Variants in ELAPOR1 observed in about 807,000 individuals in gnomAD.
ELAPOR1 encodes endosome-lysosome associated apoptosis and autophagy regulator 1.
ELAPOR1 carries 77 observed loss-of-function variants against 119.7 expected under a neutral mutation model. The observed-to-expected ratio is 0.64, with a 90% CI of 0.54 to 0.78. The LOEUF (loss-of-function observed/expected upper bound fraction) is 0.78, where lower values mean the gene tolerates loss of function less well. Among genes scored for constraint, ELAPOR1 ranks in the 30% least tolerant of loss-of-function variants. The pLI is 0.00. For missense variants in ELAPOR1, 1,115 were observed against 1,270.4 expected (o/e 0.88, Z 1.86); for synonymous variants, 481 against 487.2 (o/e 0.99, Z 0.17).
At chr1:109,174,040 T>C (rs1443776064) in intron 7 of ELAPOR1, among the ~76,000 whole-genome samples, 1 of 144,232 alleles carries the variant, frequency 6.9e-6, no homozygotes, top group Non-Finnish European at 1.5e-5. Context: ...TGAGATAGGG[T>C]CTCACTTTAT....
rs138857527 is a variant in ELAPOR1, at chr1:109,169,608, G to A, written c.468-2258G>A. ...TGGTCTCAGGCAAAACAGTGCAATA[G>A]CGTGAGTGTTTTCGATTACCTGTTT... On this transcript the variant is annotated intron_variant, in intron 3 of 21. Transcript: ENST00000369939. 1.3e-4 allele frequency among the ~76,000 whole-genome samples: 20 copies of A among 152,294 alleles called. No homozygotes were observed. The East Asian group carries it at 3.7e-3, about 28-fold the overall frequency.
At chr1:109,197,360 A>G (rs1653872028) in intron 15 of ELAPOR1, 114 bp from the exon 16 acceptor site, 1 of 837,570 alleles carries the variant, frequency 1.2e-6, no homozygotes, top group African/African-American at 1.7e-5. Flanking sequence ...CCCCTACAAC[A>G]TACCATTGAA....
intron 11 of ELAPOR1, among the ~76,000 whole-genome samples, chr1:109,190,935 A>G (rs1173107010): frequency 6.6e-6 from 1 of 152,188 alleles, no homozygotes; most frequent in Non-Finnish European, 1.5e-5. Flanking sequence ...ATAAATGTGC[A>G]CACGAATCGC....
intron 7 of ELAPOR1, 103 bp from the exon 8 acceptor site, chr1:109,184,942 T>A (rs113579126): frequency 3.3e-5 from 27 of 809,518 alleles, no homozygotes; most frequent in African/African-American, 2.2e-4. Flanking sequence ...AATATTTGTG[T>A]GGCAATGCAC....
At chr1:109,164,411 C>A in intron 2 of ELAPOR1, 88 bp from the exon 3 acceptor site, 1 of 1,133,894 alleles carries the variant, frequency 8.8e-7, no homozygotes, top group Non-Finnish European at 1.3e-6. Context: ...CCCAACCCAG[C>A]GCTCCTCCCT....
At chr1:109,174,901 G>C (rs538802170) in intron 7 of ELAPOR1, among the ~76,000 whole-genome samples, 1 of 152,274 alleles carries the variant, frequency 6.6e-6, no homozygotes, top group African/African-American at 2.4e-5. Flanking sequence ...ATTTTTAGTA[G>C]AGACAGGGTT....
In ELAPOR1 at chr1:109,194,567, C is replaced by T. The variant is rs868781123; in HGVS notation, c.2094C>T (p.His698=). The T allele has an allele frequency of 1.2e-6, 2 of 1,613,820 alleles. No individual in the cohort carries two copies. The highest frequency in any genetic ancestry group is 2.7e-5 in the African/African-American group (2 of 74,936). Residue 698 remains histidine, a synonymous_variant, in exon 15 of 22, where the codon CAC becomes CAT. Transcript: ENST00000369939. ...CCAAAGGGCTGAAATACTTCCATCA[C>T]TTTACCCTCAGTCTCTGTGGAAACC... ...FTSKGLKYFH[H]FTLSLCGNQG... is the part of the protein sequence containing the mutation.
Position 109,173,805 on chromosome 1 carries a change from CT to C in ELAPOR1, c.922del (p.Cys308AlafsTer61), listed in dbSNP as rs1558050131. ...ANSYSNKGET[S>X]CHQCDPDKYS... ...TCTTATTCAAATAAAGGAGAAACTT[CT>C]TGCCACCAGTGTGACCCTGACAAAT... On this transcript the variant is annotated frameshift_variant, in exon 7 of 22. Transcript: ENST00000369939. LOFTEE classifies it high-confidence loss of function. The C allele has an allele frequency of 6.2e-7, 1 of 1,614,110 alleles. No homozygotes were observed. Among genetic ancestry groups the C allele is most frequent in the Admixed American group, 1.7e-5 (1 of 60,016 alleles).
intron 1 of ELAPOR1, among the ~76,000 whole-genome samples, chr1:109,126,966 G>A (rs558804080): frequency 6.6e-6 from 1 of 152,250 alleles, no homozygotes; most frequent in East Asian, 1.9e-4. Flanking sequence ...GATGGGCCGG[G>A]TGGAGAATTC....
chr1:109,137,432 G>C (rs909898936), intron 1 of ELAPOR1, among the ~76,000 whole-genome samples: 3 of 152,088 alleles, frequency 2.0e-5, no homozygotes, highest in African/African-American at 7.2e-5. Flanking sequence ...TCGAACTCCT[G>C]ACCTCAAGTG....
chr1:109,128,592 G>C (rs572294402), intron 1 of ELAPOR1, among the ~76,000 whole-genome samples: 2 of 152,290 alleles, frequency 1.3e-5, no homozygotes, highest in South Asian at 4.1e-4. Flanking sequence ...TACCTGGATG[G>C]GCGCTTATCT....
intron 1 of ELAPOR1, among the ~76,000 whole-genome samples, chr1:109,159,599 G>A (rs1651119494): frequency 6.6e-6 from 1 of 152,226 alleles, no homozygotes; most frequent in African/African-American, 2.4e-5. Context: ...GTGTGAGTCT[G>A]TGTTTGGTCA....
At chr1:109,188,950 C>A in intron 9 of ELAPOR1, 116 bp from the exon 10 acceptor site, 1 of 1,210,854 alleles carries the variant, frequency 8.3e-7, no homozygotes, top group Non-Finnish European at 1.2e-6. Context: ...CAGTACTCAG[C>A]AGCCAGGCTT....
chr1:109,137,339 G>A (rs894805020), intron 1 of ELAPOR1, among the ~76,000 whole-genome samples: 1 of 151,308 alleles, frequency 6.6e-6, no homozygotes, highest in African/African-American at 2.4e-5. Context: ...AAGTAGCTGG[G>A]ACTACAGGCA....
intron 1 of ELAPOR1, among the ~76,000 whole-genome samples, chr1:109,120,798 G>A (rs504316): frequency 0.14 from 21,891 of 151,982 alleles, 2,670 homozygotes; most frequent in African/African-American, 0.34. Flanking sequence ...GTCGCAGGTG[G>A]GATGAGTTTT....
At chr1:109,198,531 C>A (rs1477319127) in intron 17 of ELAPOR1, 42 bp from the exon 18 acceptor site, 5 of 1,536,464 alleles carry the variant, frequency 3.3e-6, no homozygotes, top group Admixed American at 1.8e-5. Context: ...AATAACACAG[C>A]TGAGTGACTC....
At chr1:109,170,840 G>A (rs1414927493) in intron 3 of ELAPOR1, among the ~76,000 whole-genome samples, 2 of 152,216 alleles carry the variant, frequency 1.3e-5, no homozygotes, top group South Asian at 2.1e-4. Context: ...GGTGGTGAGT[G>A]TAGGGAGAGC....
chr1:109,161,810 C>A, intron 1 of ELAPOR1, 84 bp from the exon 2 acceptor site: 1 of 1,482,770 alleles, frequency 6.7e-7, no homozygotes. Context: ...GCATCAGTAG[C>A]CATGGTGCTG....
chr1:109,186,023 A>C (rs1041740618), intron 8 of ELAPOR1, among the ~76,000 whole-genome samples: 1 of 152,066 alleles, frequency 6.6e-6, no homozygotes, highest in African/African-American at 2.4e-5. Context: ...GAGAGAGATA[A>C]TAGACAACAA....
Sources: gnomAD v4.1 joint callset for allele counts (sites outside exome capture counted in the v4.1 genomes callset) on GRCh38, gnomAD v4.1.1 for gene constraint, MANE v1.5 for transcripts, NCBI Gene and HGNC (gene_info 2026-07-23, HGNC 2026-07-21) for gene names.